The following ESR2 variants were observed in gnomAD, a reference collection of about 807,000 sequenced individuals.
The protein encoded by ESR2 is estrogen receptor beta.
ESR2 carries 36 observed loss-of-function variants against 49.6 expected under a neutral mutation model. That is an observed-to-expected ratio of 0.73 (90% CI 0.56 to 0.96). The LOEUF (loss-of-function observed/expected upper bound fraction) is 0.96. Ranked by LOEUF, ESR2 falls within the 40% of genes least tolerant of loss-of-function variation. The pLI is 0.00. For missense variants in ESR2, 714 were observed against 693.0 expected (o/e 1.03, Z -0.34); for synonymous variants, 320 against 266.1 (o/e 1.20, Z -1.97).
chr14:64,325,467 G>A (rs1249901113), intron 1 of ESR2, among the ~76,000 whole-genome samples: 1 of 152,140 alleles, frequency 6.6e-6, no homozygotes, highest in African/African-American at 2.4e-5. Flanking sequence ...TTAGGCACAG[G>A]AGAAAAAGGT....
Position 64,260,561 on chromosome 14 carries a change from C to T in ESR2, c.840G>A (p.Val280=), listed in dbSNP as rs769393357. 5 of 1,595,698 alleles carry T rather than the reference C, an allele frequency of 3.1e-6. No homozygotes were observed. The African/African-American group carries it at 4.0e-5, about 13-fold the overall frequency. Residue 280 remains valine (V), a synonymous_variant, in exon 5 of 9, where the codon GTG becomes GTA. Coordinates refer to ENST00000341099, the MANE Select transcript of ESR2 (RefSeq NM_001437.3). The stretch of plus-strand genomic sequence containing the variant: ...AGGGCGCACTGGGGCGGCTGATCAG[C>T]ACATGGGGCGGCTCAGCCTCCAGGA... ...LTLLEAEPPH[V]LISRPSAPFT...
chr14:64,267,472 T>C (rs984455634), intron 4 of ESR2, among the ~76,000 whole-genome samples: 1 of 152,158 alleles, frequency 6.6e-6, no homozygotes, highest in African/African-American at 2.4e-5. Context: ...CATGATCAGA[T>C]GAAGAGAACT....
intron 1 of ESR2, among the ~76,000 whole-genome samples, chr14:64,335,067 CAA>C (rs2077511689): frequency 6.6e-6 from 1 of 152,136 alleles, no homozygotes; most frequent in African/African-American, 2.4e-5. Flanking sequence ...GGGATATAAA[CAA>C]GAGAGGCAAA....
intron 6 of ESR2, 110 bp downstream of exon 6, chr14:64,257,116 T>C: frequency 1.0e-6 from 1 of 993,302 alleles, no homozygotes; most frequent in Non-Finnish European, 1.6e-6. Flanking sequence ...GCTATCATCC[T>C]CTGCCCTGCA....
intron 1 of ESR2, among the ~76,000 whole-genome samples, chr14:64,306,362 A>G (rs1335081024): frequency 6.6e-6 from 1 of 152,206 alleles, no homozygotes; most frequent in Non-Finnish European, 1.5e-5. Flanking sequence ...CCTTAAAAGT[A>G]ATGTTTATCT....
At chr14:64,254,366 A>G (rs930753153) in intron 6 of ESR2, among the ~76,000 whole-genome samples, 6 of 152,196 alleles carry the variant, frequency 3.9e-5, no homozygotes, top group Non-Finnish European at 5.9e-5. Context: ...ACATAAAAGT[A>G]TATTCATTTG....
intron 1 of ESR2, among the ~76,000 whole-genome samples, chr14:64,314,842 C>T (rs1251638240): frequency 7.7e-6 from 1 of 129,522 alleles, no homozygotes; most frequent in Non-Finnish European, 1.6e-5. Context: ...CACACTACTG[C>T]ACTCTGGCCT....
chr14:64,235,823 G>C (rs550438154), intron 7 of ESR2, among the ~76,000 whole-genome samples: 1 of 152,202 alleles, frequency 6.6e-6, no homozygotes, highest in South Asian at 2.1e-4. Context: ...TCCTGGGTAG[G>C]CTGCCTCCCC....
downstream of ESR2, chr14:64,228,034 T>TG (rs2098723512): frequency 1.4e-6 from 2 of 1,481,142 alleles, no homozygotes; most frequent in Non-Finnish European, 8.9e-7. Flanking sequence ...ATTTTACTTG[T>TG]ATACACAGGA....
intron 7 of ESR2, among the ~76,000 whole-genome samples, chr14:64,238,292 T>C (rs2075648494): frequency 6.6e-6 from 1 of 152,168 alleles, no homozygotes; most frequent in Admixed American, 6.5e-5. Flanking sequence ...CACAGCGGTT[T>C]GGGGAGGTGA....
chr14:64,293,185 A>T (rs1189257619), intron 1 of ESR2, among the ~76,000 whole-genome samples: 1 of 152,234 alleles, frequency 6.6e-6, no homozygotes, highest in African/African-American at 2.4e-5. Context: ...TTTGTTTTAC[A>T]ACACTCTCAG....
chr14:64,257,369 G>A lies in ESR2; in HGVS notation c.953-5C>T, dbSNP rs201544174. 32 of 1,612,656 alleles carry A rather than the reference G, an allele frequency of 2.0e-5. No homozygotes were observed. The East Asian group carries it at 6.2e-4, about 31-fold the overall frequency. The stretch of plus-strand genomic sequence containing the variant: ...ACAGGCTGAGCTCCACAAAGCCTGG[G>A]GAAAGCAAGAGGCGGTGAGACACCC... On this transcript the variant is annotated splice_region_variant and splice_polypyrimidine_tract_variant and intron_variant, in intron 5 of 8. Coordinates refer to ENST00000341099, the MANE Select transcript of ESR2 (RefSeq NM_001437.3).
intron 8 of ESR2, 60 bp downstream of exon 8, chr14:64,234,904 TTCACCC>T: frequency 6.3e-7 from 1 of 1,575,514 alleles, no homozygotes; most frequent in Non-Finnish European, 8.7e-7. Flanking sequence ...CCCAAATCAC[TTCACCC>T]TCCGTGGAGC....
intron 7 of ESR2, 51 bp from the exon 8 acceptor site, chr14:64,235,201 AGTC>A (rs2098731447): frequency 6.3e-7 from 1 of 1,578,678 alleles, no homozygotes; most frequent in Non-Finnish European, 8.6e-7. Flanking sequence ...AAGGAGCAGA[AGTC>A]GTGTGCTCAG....
chr14:64,310,286 A>AAATAATAAT (rs140862502), intron 1 of ESR2, among the ~76,000 whole-genome samples: 1,679 of 142,432 alleles, frequency 0.012, 22 homozygotes, highest in African/African-American at 0.026. Flanking sequence ...TCGTCTCAAA[A>AAATAATAAT]AATAATAATA....
upstream of ESR2, among the ~76,000 whole-genome samples, chr14:64,299,050 A>G (rs974444364): frequency 1.3e-5 from 2 of 152,048 alleles, no homozygotes; most frequent in Non-Finnish European, 2.9e-5. Flanking sequence ...GTAATATGCA[A>G]TTTCACAAAT....
chr14:64,331,082 AC>A (rs1461857606), intron 1 of ESR2, among the ~76,000 whole-genome samples: 4 of 152,240 alleles, frequency 2.6e-5, no homozygotes, highest in Non-Finnish European at 5.9e-5. Flanking sequence ...CAATTAAAAG[AC>A]AAAGATTATA....
intron 3 of ESR2, among the ~76,000 whole-genome samples, chr14:64,279,246 C>T (rs1000998385): frequency 2.6e-5 from 4 of 152,126 alleles, no homozygotes; most frequent in African/African-American, 9.7e-5. Context: ...TGTATAAGAC[C>T]AAGTTGTGGC....
rs1567753148 is a variant in ESR2, at chr14:64,260,460, T to C, written c.941A>G (p.Lys314Arg). 2 of 1,523,314 alleles carry C rather than the reference T, an allele frequency of 1.3e-6. No individual in the cohort carries two copies. The highest frequency in any genetic ancestry group is 8.8e-7 in the Non-Finnish European group (1 of 1,136,782). The allele number at this position is 1,523,314 out of a possible 1,614,324, so 94.4% of individuals were successfully genotyped here. A position where few individuals can be genotyped will look rare whatever the true frequency, so the allele number is the denominator to read the frequency against. Reference protein sequence around the residue: ...KELVHMISWAKKIPGFVELSL... With the variant: ...KELVHMISWARKIPGFVELSL... Reference sequence around the variant, plus strand: ...CCAGAAAGCCCTACCGGGAATCTTCTTGGCCCAGCTGATCATGTGTACCAA... The same window carrying C: ...CCAGAAAGCCCTACCGGGAATCTTCCTGGCCCAGCTGATCATGTGTACCAA... Residue 314 changes from lysine to arginine, a missense_variant, in exon 5 of 9, where the codon AAG (lysine) becomes AGG (arginine). Transcript: ENST00000341099.
Sources: gnomAD v4.1 joint callset for allele counts (sites outside exome capture counted in the v4.1 genomes callset) on GRCh38, gnomAD v4.1.1 for gene constraint, MANE v1.5 for transcripts, NCBI Gene and HGNC (gene_info 2026-07-23, HGNC 2026-07-21) for gene names.